Variants in SFI1 observed in about 807,000 individuals in gnomAD.
SFI1 encodes protein SFI1 homolog.
Under a neutral mutation model 207.5 loss-of-function variants are expected in SFI1, and 195 were observed. The observed-to-expected ratio is 0.94, with a 90% CI of 0.84 to 1.06. SFI1 has a LOEUF of 1.06. Ranked by LOEUF, SFI1 falls within the 50% of genes least tolerant of loss-of-function variation. The pLI is 0.00. For synonymous variants in SFI1, 630 were observed against 598.9 expected, an observed-to-expected ratio of 1.05 and a Z score of -0.76; for missense variants, 1,634 against 1,588.0, an observed-to-expected ratio of 1.03 and a Z score of -0.49.
Position 31,508,314 on chromosome 22 carries a change from A to G in SFI1, c.30A>G (p.Ile10Met). The change falls in exon 2 of 33, where the codon ATA (isoleucine) becomes ATG (methionine). Residue 10 changes from isoleucine (I) to methionine (M), a missense_variant. Coordinates refer to ENST00000400288, the MANE Select transcript of SFI1 (RefSeq NM_001007467.3). ...AGAATCTGCTCACTGAGAAGTGTAT[A>G]TCAAGCCACAATTTCCATCAAAAAG... is the stretch of plus-strand genomic sequence containing the variant. MKNLLTEKC[I>M]SSHNFHQKVI... is the part of the protein sequence containing the mutation. 1.2e-6 allele frequency: 2 copies of G among 1,613,436 alleles called. No homozygotes were observed. The highest frequency in any genetic ancestry group is 1.7e-6 in the Non-Finnish European group (2 of 1,179,602).
intron 27 of SFI1, chr22:31,614,576 C>T (rs1365093863): frequency 2.9e-6 from 2 of 701,308 alleles, no homozygotes; most frequent in African/African-American, 1.7e-5. Flanking sequence ...TCAAAAGAGA[C>T]AATGTGGGTG....
At chr22:31,593,595 G>T (rs2066513868) in intron 15 of SFI1, among the ~76,000 whole-genome samples, 1 of 105,310 alleles carries the variant, frequency 9.5e-6, no homozygotes, top group Non-Finnish European at 1.9e-5. Context: ...AGACGGGGTG[G>T]CGGCCGGGCA....
chr22:31,497,669 CG>C (rs1423196827), intron 1 of SFI1, among the ~76,000 whole-genome samples: 19 of 13,806 alleles, frequency 1.4e-3, no homozygotes, highest in Admixed American at 2.8e-3. Flanking sequence ...CTAGAAATGA[CG>C]AAGCTAGAAA....
chr22:31,603,619 T>G, intron 17 of SFI1, 125 bp from the exon 18 acceptor site: 1 of 719,154 alleles, frequency 1.4e-6, no homozygotes, highest in Non-Finnish European at 2.0e-6. Flanking sequence ...TGGCAGCTCT[T>G]CAGAGAGGGT....
chr22:31,531,675 CCT>C (rs2058542103), intron 4 of SFI1, among the ~76,000 whole-genome samples: 1 of 152,054 alleles, frequency 6.6e-6, no homozygotes, highest in Non-Finnish European at 1.5e-5. Flanking sequence ...GGGCGGGTCA[CCT>C]GACATCGGGA....
At chr22:31,532,066 A>C (rs1467992135) in intron 4 of SFI1, among the ~76,000 whole-genome samples, 1 of 152,132 alleles carries the variant, frequency 6.6e-6, no homozygotes, top group Non-Finnish European at 1.5e-5. Flanking sequence ...ATCTCAAAAA[A>C]AAAATAAATG....
intron 4 of SFI1, among the ~76,000 whole-genome samples, chr22:31,541,582 C>T (rs192153083): frequency 9.2e-5 from 14 of 151,518 alleles, no homozygotes; most frequent in East Asian, 7.8e-4. Flanking sequence ...AGTGAAACCC[C>T]GTTTGTACTA....
Position 31,616,756 on chromosome 22 carries a change from G to C in SFI1, c.3312G>C (p.Gln1104His), listed in dbSNP as rs1347168728. 6.4e-7 allele frequency: 1 copy of C among 1,558,206 alleles called. No homozygotes were observed. Among genetic ancestry groups the C allele is most frequent in the East Asian group, 2.3e-5 (1 of 44,424 alleles). Residue 1104 changes from glutamine to histidine, a missense_variant, in exon 30 of 33, where the codon CAG becomes CAC. Transcript: ENST00000400288. The stretch of plus-strand genomic sequence containing the variant: ...TCTTTCCTTTGCAGGTGTCAGCACA[G>C]CGGGCTACTCCTAGGGATAAGCCCC... Reference protein sequence around the residue: ...GAAAPARVSAQRATPRDKPPV... With the variant: ...GAAAPARVSAHRATPRDKPPV...
intron 19 of SFI1, 176 bp from the exon 20 acceptor site, chr22:31,604,693 T>A: frequency 1.7e-6 from 1 of 605,378 alleles, no homozygotes. Context: ...TGAGACAGTT[T>A]CTCCCTGTCG....
intron 8 of SFI1, among the ~76,000 whole-genome samples, chr22:31,567,575 G>A (rs539384669): frequency 1.3e-5 from 2 of 151,776 alleles, no homozygotes; most frequent in Admixed American, 6.6e-5. Flanking sequence ...TGGAGGGGGG[G>A]GGTGTGTGTG....
intron 4 of SFI1, among the ~76,000 whole-genome samples, chr22:31,535,229 G>C (rs2058873766): frequency 7.6e-6 from 1 of 131,608 alleles, no homozygotes; most frequent in African/African-American, 2.9e-5. Flanking sequence ...TTGCTCCGTT[G>C]CCCAGGCTGG....
intron 11 of SFI1, 49 bp from the exon 12 acceptor site, chr22:31,580,223 C>A: frequency 6.8e-7 from 1 of 1,473,682 alleles, no homozygotes; most frequent in Non-Finnish European, 9.5e-7. Flanking sequence ...AGTTTACAGA[C>A]TCTACTGATC....
In SFI1 at chr22:31,613,193, T is replaced by C. The variant is rs2070693978; in HGVS notation, c.2542T>C (p.Trp848Arg). Residue 848 changes from tryptophan (W) to arginine (R), a missense_variant, in exon 25 of 33, where the codon TGG (tryptophan) becomes CGG (arginine). Trp to Arg is a moderately radical substitution (Grantham distance 101, BLOSUM62 -3). Coordinates refer to ENST00000400288, the MANE Select transcript of SFI1 (RefSeq NM_001007467.3). ...GGCGACAGTGCGGGCCCTGTGGTTCTGGGCCTTCTCGCTGCAGGCAAAGGT... is the reference window on the plus strand; with the variant it reads ...GGCGACAGTGCGGGCCCTGTGGTTCCGGGCCTTCTCGCTGCAGGCAAAGGT... Reference protein sequence around the residue: ...QRATVRALWFWAFSLQAKVWA... With the variant: ...QRATVRALWFRAFSLQAKVWA... The C allele has an allele frequency of 6.2e-7, 1 of 1,613,860 alleles. No homozygotes were observed. The highest frequency in any genetic ancestry group is 8.5e-7 in the Non-Finnish European group (1 of 1,180,028).
intron 15 of SFI1, among the ~76,000 whole-genome samples, chr22:31,593,163 G>A (rs1435490073): frequency 1.3e-5 from 2 of 150,644 alleles, no homozygotes; most frequent in Non-Finnish European, 3.0e-5. Flanking sequence ...CCCGGACGGG[G>A]TGGCTGCCGG....
chr22:31,534,210 C>G (rs1462551055), intron 4 of SFI1, among the ~76,000 whole-genome samples: 1 of 152,170 alleles, frequency 6.6e-6, no homozygotes, highest in African/African-American at 2.4e-5. Context: ...CCAGGCTGGT[C>G]TTGAACTCCT....
chr22:31,540,778 C>T (rs5749297), intron 4 of SFI1, among the ~76,000 whole-genome samples: 11,805 of 151,492 alleles, frequency 0.078, 807 homozygotes, highest in East Asian at 0.37. Flanking sequence ...ATGGGGGTCT[C>T]GCCATGTTGG....
intron 31 of SFI1, 134 bp downstream of exon 31, chr22:31,617,212 T>TCCCCACACCCCTCC: frequency 2.3e-6 from 2 of 864,880 alleles, no homozygotes; most frequent in Non-Finnish European, 3.6e-6. Flanking sequence ...CATGGAGGGG[T>TCCCCACACCCCTCC]GTGGGGAGCC....
Position 31,617,094 on chromosome 22 carries a change from C to T in SFI1, c.3512+16C>T, listed in dbSNP as rs748734660. On this transcript the variant is annotated intron_variant, in intron 31 of 32. Transcript: ENST00000400288. ...AGAACCTCTGGTGAGCCCTGCGAAA[C>T]GCCCTGCAGCCCTGGCTACAGGAGC... is the stretch of plus-strand genomic sequence containing the variant. The T allele has an allele frequency of 2.4e-5, 39 of 1,613,488 alleles. No homozygotes were observed. Among genetic ancestry groups the T allele is most frequent in the Middle Eastern group, 1.6e-4 (1 of 6,072 alleles).
At chr22:31,608,275 G>C (rs1334974992) in intron 22 of SFI1, among the ~76,000 whole-genome samples, 1 of 152,146 alleles carries the variant, frequency 6.6e-6, no homozygotes, top group East Asian at 1.9e-4. Flanking sequence ...CTCTAGGGGA[G>C]GGTCCTTCCT....
Sources: allele counts gnomAD v4.1 joint callset (sites outside exome capture counted in the v4.1 genomes callset), GRCh38; gene constraint gnomAD v4.1.1; transcripts MANE v1.5; gene names NCBI Gene and HGNC (gene_info 2026-07-23, HGNC 2026-07-21).